The following GINS3 variants were observed in gnomAD, a reference collection of about 807,000 sequenced individuals.
GINS3 encodes the protein GINS complex subunit 3.
GINS3 carries 18 observed loss-of-function variants against 20.0 expected under a neutral mutation model. The observed-to-expected ratio is 0.90, with a 90% CI of 0.62 to 1.33. GINS3 has a LOEUF of 1.33. Among genes scored for constraint, GINS3 ranks in the 40% most tolerant of loss-of-function variants. The pLI is 0.00. For missense variants in GINS3, 254 were observed against 273.6 expected (o/e 0.93, Z 0.51); for synonymous variants, 109 against 107.0 (o/e 1.02, Z -0.12).
At chr16:58,398,919 G>T (rs1037860743) in intron 1 of GINS3, among the ~76,000 whole-genome samples, 6 of 152,164 alleles carry the variant, frequency 3.9e-5, no homozygotes, top group Non-Finnish European at 7.3e-5. Flanking sequence ...GTCATAGTGT[G>T]CAATAAATAA....
intron 1 of GINS3, among the ~76,000 whole-genome samples, chr16:58,398,252 A>G (rs889568237): frequency 2.6e-5 from 4 of 152,182 alleles, no homozygotes; most frequent in African/African-American, 4.8e-5. Flanking sequence ...ATTCTATTCA[A>G]TTCACAACTT....
At chr16:58,392,918 G>T in intron 1 of GINS3, 131 bp downstream of exon 1, 1 of 977,278 alleles carries the variant, frequency 1.0e-6, no homozygotes, top group Non-Finnish European at 1.5e-6. Flanking sequence ...GGCCGAAGGC[G>T]CTAACGACTT....
chr16:58,403,116 C>G lies in GINS3; in HGVS notation c.205C>G (p.Pro69Ala). 6.2e-7 allele frequency: 1 copy of G among 1,614,090 alleles called. No homozygotes were observed. Among genetic ancestry groups the G allele is most frequent in the Admixed American group, 1.7e-5 (1 of 60,026 alleles). ...AVPQGSKLEL[P>A]LWLAKGLFDN... ...GCTGCAGGGTTCCAAGCTTGAACTA[C>G]CCTTGTGGCTGGCAAAAGGACTTTT... is the stretch of plus-strand genomic sequence containing the variant. The change falls in exon 2 of 3, where the codon CCC (proline) becomes GCC (alanine). Residue 69 changes from proline to alanine, a missense_variant. Transcript: ENST00000318129.
At chr16:58,403,494 T>TATAC (rs71385164) in intron 2 of GINS3, 163 bp downstream of exon 2, 4 of 558,074 alleles carry the variant, frequency 7.2e-6, no homozygotes, top group African/African-American at 3.9e-5. Context: ...TTTACATATA[T>TATAC]ACACACACAC....
chr16:58,395,942 C>T (rs965832163), intron 1 of GINS3, among the ~76,000 whole-genome samples: 4 of 149,794 alleles, frequency 2.7e-5, no homozygotes, highest in East Asian at 4.0e-4. Context: ...CCGGACGGGG[C>T]GGCTGGCTGG....
intron 1 of GINS3, among the ~76,000 whole-genome samples, chr16:58,401,637 T>G (rs549356007): frequency 5.9e-5 from 9 of 152,358 alleles, no homozygotes; most frequent in African/African-American, 2.2e-4. Context: ...TACAATCCTT[T>G]AGCTAGACAG....
intron 1 of GINS3, among the ~76,000 whole-genome samples, chr16:58,397,059 CG>C (rs1379331449): frequency 6.7e-6 from 1 of 148,502 alleles, no homozygotes; most frequent in Non-Finnish European, 1.5e-5. Flanking sequence ...GCTGGCCGGG[CG>C]GGGGGCTGAC....
intron 2 of GINS3, 157 bp downstream of exon 2, chr16:58,403,488 C>CAT (rs141154902): frequency 2.2e-5 from 13 of 586,430 alleles, no homozygotes; most frequent in South Asian, 1.6e-4. Flanking sequence ...TATATATTTA[C>CAT]ATATATACAC....
chr16:58,401,915 A>T (rs931720754), intron 1 of GINS3, among the ~76,000 whole-genome samples: 5 of 149,584 alleles, frequency 3.3e-5, no homozygotes, highest in Non-Finnish European at 7.4e-5. Flanking sequence ...TGTTCCTTGA[A>T]TCTGTGGTTT....
rs953089244 is a variant in GINS3 at position 58,404,520 on chromosome 16, C to T, written c.442C>T (p.Arg148Cys). The stretch of plus-strand genomic sequence containing the variant: ...CCAGACTTTTATCGGACGTTTTCGC[C>T]GCATCATGGACTCCTCACAGAATGC... ...LLQTFIGRFR[R>C]IMDSSQNAYN... The change falls in exon 3 of 3, where the codon CGC (arginine) becomes TGC (cysteine). Residue 148 changes from arginine (R) to cysteine (C), a missense_variant. Arg to Cys is a radical substitution (Grantham distance 180). Transcript: ENST00000318129. 9 of 1,614,028 alleles carry T rather than the reference C, an allele frequency of 5.6e-6. No individual in the cohort carries two copies. The highest frequency in any genetic ancestry group is 1.7e-5 in the Admixed American group (1 of 60,008).
At chr16:58,396,668 A>C (rs1293832376) in intron 1 of GINS3, among the ~76,000 whole-genome samples, 3 of 80,404 alleles carry the variant, frequency 3.7e-5, no homozygotes, top group East Asian at 4.4e-4. Flanking sequence ...CGGTGGGCTG[A>C]CCCCCCGACC....
chr16:58,403,418 C>G, intron 2 of GINS3, 87 bp downstream of exon 2: 1 of 1,028,564 alleles, frequency 9.7e-7, no homozygotes, highest in Non-Finnish European at 1.4e-6. Context: ...CAGTGTATGA[C>G]TTGTAAATTT....
intron 1 of GINS3, among the ~76,000 whole-genome samples, chr16:58,396,966 G>A (rs1343917051): frequency 6.7e-6 from 1 of 149,180 alleles, no homozygotes; most frequent in Non-Finnish European, 1.5e-5. Context: ...AGGGGTGGCC[G>A]GGCAGAGGCG....
At chr16:58,403,621 G>A in intron 2 of GINS3, 1 of 380,954 alleles carries the variant, frequency 2.6e-6, no homozygotes, top group Non-Finnish European at 4.8e-6. Flanking sequence ...TGATGGCCAG[G>A]CATGGTGGCT....
intron 1 of GINS3, among the ~76,000 whole-genome samples, chr16:58,396,124 G>T (rs190366662): frequency 0.057 from 7,816 of 137,280 alleles, 399 homozygotes; most frequent in African/African-American, 0.12. Flanking sequence ...GGGGCGGCTG[G>T]CTGGGTGGGG....
rs371591519 is a variant in GINS3, at chr16:58,403,492, T to TACACACACACACAC, written c.420+162_420+163insCACACACACACACA. 404 of 594,118 alleles carry TACACACACACACAC rather than the reference T, an allele frequency of 6.8e-4. 2 individuals carry two copies. In the African/African-American group the frequency reaches 7.0e-3, roughly 10 times the overall value. The allele number at this position is 594,118 out of a possible 1,614,324, so 36.8% of individuals were successfully genotyped here. On this transcript the variant is annotated intron_variant, in intron 2 of 2. Coordinates refer to ENST00000318129, the MANE Select transcript of GINS3 (RefSeq NM_022770.4). ...TCTGTCCATTTTATATATTTACATA[T>TACACACACACACAC]ATACACACACACACACACACACACA... is the stretch of plus-strand genomic sequence containing the variant.
Position 58,404,643 on chromosome 16 carries a change from T to G in GINS3, c.565T>G (p.Trp189Gly). Residue 189 changes from tryptophan to glycine, a missense_variant, in exon 3 of 3, where the codon TGG (tryptophan) becomes GGG (glycine). Trp to Gly is a radical substitution (Grantham distance 184). Transcript: ENST00000318129. Reference sequence around the variant, plus strand: ...GAAAGGACTGAATGACTTTCAGTGTTGGGAGAAGGGGCAGGCTTCTCAGAT... The same window carrying G: ...GAAAGGACTGAATGACTTTCAGTGTGGGGAGAAGGGGCAGGCTTCTCAGAT... ...GQKGLNDFQC[W>G]EKGQASQITA... 2.5e-6 allele frequency: 4 copies of G among 1,614,178 alleles called. No homozygotes were observed. Among genetic ancestry groups the G allele is most frequent in the Non-Finnish European group, 3.4e-6 (4 of 1,180,020 alleles).
intron 1 of GINS3, among the ~76,000 whole-genome samples, chr16:58,396,860 C>T (rs1226148200): frequency 6.9e-6 from 1 of 144,488 alleles, no homozygotes; most frequent in African/African-American, 2.6e-5. Flanking sequence ...CCCCTCACCT[C>T]CCGGACGGGG....
rs117237630 is a variant in GINS3 at position 58,399,967 on chromosome 16, T to A, written c.187-3131T>A. 5.8e-3 allele frequency among the ~76,000 whole-genome samples: 884 copies of A among 152,316 alleles called. 4 individuals carry two copies. The highest frequency in any genetic ancestry group is 0.01 in the Non-Finnish European group (693 of 68,038). Reference sequence around the variant, plus strand: ...GAAAACCCCTGTAAAACATTATTATTATATACCCACTTATATATTCTTTTC... The same window carrying A: ...GAAAACCCCTGTAAAACATTATTATAATATACCCACTTATATATTCTTTTC... On this transcript the variant is annotated intron_variant, in intron 1 of 2. Transcript: ENST00000318129.
Sources: allele counts gnomAD v4.1 joint callset (sites outside exome capture counted in the v4.1 genomes callset), GRCh38; gene constraint gnomAD v4.1.1; transcripts MANE v1.5; gene names NCBI Gene and HGNC (gene_info 2026-07-23, HGNC 2026-07-21).